The following STAP1 variants were observed in gnomAD, a reference collection of about 807,000 sequenced individuals.
The protein encoded by STAP1 is signal-transducing adaptor protein 1.
Under a neutral mutation model 37.8 loss-of-function variants are expected in STAP1, and 30 were observed. That is an observed-to-expected ratio of 0.79 (90% CI 0.59 to 1.08). The LOEUF (loss-of-function observed/expected upper bound fraction) is 1.08, where lower values mean the gene tolerates loss of function less well. Ranked by LOEUF, STAP1 falls within the 50% of genes least tolerant of loss-of-function variation. The pLI, the probability that STAP1 is intolerant of heterozygous loss-of-function variation, is 0.00. For missense variants in STAP1, 357 were observed against 349.4 expected, an observed-to-expected ratio of 1.02 and a Z score of -0.17; for synonymous variants, 130 against 116.0, an observed-to-expected ratio of 1.12 and a Z score of -0.78.
chr4:67,588,418 T>C (rs532161384), intron 6 of STAP1, among the ~76,000 whole-genome samples: 106 of 152,248 alleles, frequency 7.0e-4, no homozygotes, highest in Admixed American at 2.0e-3. Flanking sequence ...TTTTTGTTTT[T>C]GTTTTTTTTG....
intron 1 of STAP1, among the ~76,000 whole-genome samples, chr4:67,567,817 A>G (rs1022741331): frequency 1.3e-5 from 2 of 152,208 alleles, no homozygotes; most frequent in African/African-American, 2.4e-5. Context: ...CTGCCTTCCC[A>G]GCTAAGACCC....
At chr4:67,584,298 T>C (rs79438826) in intron 6 of STAP1, among the ~76,000 whole-genome samples, 76 of 152,268 alleles carry the variant, frequency 5.0e-4, no homozygotes, top group Non-Finnish European at 9.4e-4. Flanking sequence ...AGCAATACTC[T>C]AGGCACTGAG....
intron 2 of STAP1, among the ~76,000 whole-genome samples, chr4:67,574,481 A>C (rs1486620918): frequency 6.6e-6 from 1 of 152,304 alleles, no homozygotes; most frequent in Non-Finnish European, 1.5e-5. Flanking sequence ...AATGTGAGCA[A>C]TTTCTTTGCT....
intron 3 of STAP1, among the ~76,000 whole-genome samples, chr4:67,576,466 T>C (rs1041445269): frequency 6.6e-6 from 1 of 152,256 alleles, no homozygotes; most frequent in East Asian, 1.9e-4. Flanking sequence ...TATAAAACAA[T>C]CAAACAAGCA....
At chr4:67,578,942 C>A (rs1194885673) in intron 4 of STAP1, among the ~76,000 whole-genome samples, 1 of 151,752 alleles carries the variant, frequency 6.6e-6, no homozygotes. Flanking sequence ...AATTCTCCTG[C>A]CTTAGCCTCC....
intron 6 of STAP1, among the ~76,000 whole-genome samples, chr4:67,587,411 A>G (rs1209309345): frequency 6.6e-6 from 1 of 152,242 alleles, no homozygotes; most frequent in African/African-American, 2.4e-5. Flanking sequence ...AACAAAAGCC[A>G]TTCAATGCCA....
At chr4:67,598,083 G>A (rs1728263201) in intron 8 of STAP1, among the ~76,000 whole-genome samples, 1 of 152,130 alleles carries the variant, frequency 6.6e-6, no homozygotes, top group Non-Finnish European at 1.5e-5. Context: ...AGGTGTTGAG[G>A]GAGGGATCTG....
At chr4:67,575,527 A>G (rs760719710) in intron 3 of STAP1, 29 bp downstream of exon 3, 23 of 1,497,114 alleles carry the variant, frequency 1.5e-5, no homozygotes, top group Non-Finnish European at 1.8e-5. Context: ...TAGTCTGTAA[A>G]GGGTTGTGGT....
chr4:67,573,809 G>T (rs951257738), intron 2 of STAP1, among the ~76,000 whole-genome samples: 1 of 151,918 alleles, frequency 6.6e-6, no homozygotes, highest in African/African-American at 2.4e-5. Flanking sequence ...AAGACTTACA[G>T]ATATACAGTA....
rs543994964 is a variant in STAP1, at chr4:67,589,722, A to G, written c.660-1162A>G. ...ATTCAAGACAAACATACTCTGGTTCAAAACTAACTGACAAGGATAGTGACT... is the reference window on the plus strand; with the variant it reads ...ATTCAAGACAAACATACTCTGGTTCGAAACTAACTGACAAGGATAGTGACT... On this transcript the variant is annotated intron_variant, in intron 6 of 8. Transcript: ENST00000265404. Among the ~76,000 whole-genome samples, 241 of 152,330 alleles carry G rather than the reference A, an allele frequency of 1.6e-3. 3 individuals are homozygous for G. Among genetic ancestry groups the G allele is most frequent in the African/African-American group, 3.2e-3 (132 of 41,574 alleles).
intron 4 of STAP1, among the ~76,000 whole-genome samples, chr4:67,579,976 C>T (rs916749318): frequency 6.6e-6 from 1 of 152,134 alleles, no homozygotes; most frequent in African/African-American, 2.4e-5. Flanking sequence ...AGCAATCGTC[C>T]TGCCTCAGCC....
intron 6 of STAP1, among the ~76,000 whole-genome samples, chr4:67,589,949 A>C (rs904255605): frequency 2.0e-5 from 3 of 151,904 alleles, no homozygotes; most frequent in African/African-American, 7.3e-5. Context: ...CCACATATGC[A>C]TGCCACCATG....
intron 8 of STAP1, among the ~76,000 whole-genome samples, chr4:67,599,256 A>AT (rs1728288886): frequency 6.6e-6 from 1 of 152,162 alleles, no homozygotes. Flanking sequence ...CTCCTCCTCT[A>AT]TTTTTTGAAT....
intron 3 of STAP1, among the ~76,000 whole-genome samples, chr4:67,575,821 C>G (rs771503023): frequency 6.6e-6 from 1 of 152,122 alleles, no homozygotes; most frequent in Non-Finnish European, 1.5e-5. Context: ...ACGGTAATAA[C>G]ATAAAGAGAA....
At chr4:67,579,514 G>A (rs533669152) in intron 4 of STAP1, among the ~76,000 whole-genome samples, 23 of 152,024 alleles carry the variant, frequency 1.5e-4, no homozygotes, top group Admixed American at 2.6e-4. Flanking sequence ...AGGTTTAATT[G>A]GCTCCTGGTT....
At chr4:67,569,525 A>G (rs1727551169) in intron 1 of STAP1, among the ~76,000 whole-genome samples, 1 of 152,180 alleles carries the variant, frequency 6.6e-6, no homozygotes, top group African/African-American at 2.4e-5. Context: ...CCTTAAAACA[A>G]AAACACATTG....
In STAP1 at chr4:67,575,478, A is replaced by G. The variant is rs1294886721; in HGVS notation, c.286A>G (p.Lys96Glu). The change falls in exon 3 of 9, where the codon AAA (lysine) becomes GAA (glutamate). Residue 96 changes from lysine to glutamate, a missense_variant. Transcript: ENST00000265404. ...NCAKFTLVLP[K>E]EEVQLKTENT... ...TGCGAAATTCACCCTTGTTTTGCCG[A>G]AAGAGGAAGTACAACTGAAGGTGAG... 5 of 1,610,930 alleles carry G rather than the reference A, an allele frequency of 3.1e-6. No individual in the cohort carries two copies. The highest frequency in any genetic ancestry group is 3.4e-6 in the Non-Finnish European group (4 of 1,178,814).
chr4:67,560,275 A>G (rs1044630184), intron 1 of STAP1, among the ~76,000 whole-genome samples: 1 of 152,196 alleles, frequency 6.6e-6, no homozygotes, highest in Non-Finnish European at 1.5e-5. Flanking sequence ...GATCTTGTGC[A>G]AGTTACTCAA....
rs553181409 is a variant in STAP1, at chr4:67,561,049, T to G, written c.120+2120T>G. Among the ~76,000 whole-genome samples, 10 of 152,298 alleles carry G rather than the reference T, an allele frequency of 6.6e-5. No individual in the cohort carries two copies. The East Asian group carries it at 1.9e-3, about 29-fold the overall frequency. ...TCAGGGATTAAAGGGATAGCATATG[T>G]AAAACACCTGGCTCACACTAAAGGT... On this transcript the variant is annotated intron_variant, in intron 1 of 8. Coordinates refer to ENST00000265404, the MANE Select transcript of STAP1 (RefSeq NM_012108.4).
Sources: gnomAD v4.1 joint callset for allele counts (sites outside exome capture counted in the v4.1 genomes callset) on GRCh38, gnomAD v4.1.1 for gene constraint, MANE v1.5 for transcripts, NCBI Gene and HGNC (gene_info 2026-07-23, HGNC 2026-07-21) for gene names.